PALLD: variants seen among roughly 807,000 people sequenced by gnomAD.
The protein encoded by PALLD is palladin, cytoskeletal associated protein.
PALLD carries 61 observed loss-of-function variants against 123.5 expected under a neutral mutation model. The observed-to-expected ratio is 0.49, with a 90% CI of 0.40 to 0.61. The LOEUF (loss-of-function observed/expected upper bound fraction) is 0.61, where lower values mean the gene tolerates loss of function less well. Ranked by LOEUF, PALLD falls within the 20% of genes least tolerant of loss-of-function variation. The pLI, the probability that PALLD is intolerant of heterozygous loss-of-function variation, is 0.00. For missense variants in PALLD, 1,273 were observed against 1,377.0 expected (o/e 0.92, Z 1.20); for synonymous variants, 465 against 496.4 (o/e 0.94, Z 0.84).
At chr4:168,578,927 T>C (rs974969430) in intron 2 of PALLD, among the ~76,000 whole-genome samples, 1 of 152,156 alleles carries the variant, frequency 6.6e-6, no homozygotes, top group Admixed American at 6.6e-5. Flanking sequence ...GTAAACACTA[T>C]TCTGTAAAAT....
chr4:168,912,185 C>T lies in PALLD; in HGVS notation c.2623-1742C>T, dbSNP rs747200477. On this transcript the variant is annotated intron_variant, in intron 15 of 21. Coordinates refer to ENST00000505667, the MANE Select transcript of PALLD (RefSeq NM_001166108.2). ...GCAGTTCTTCAAAACACACAGAACA[C>T]TGCAGCTTCTGTTACCTGTCTCTAT... 6.2e-4 allele frequency among the ~76,000 whole-genome samples: 94 copies of T among 152,216 alleles called. 1 individual carries two copies. Among genetic ancestry groups the T allele is most frequent in the Non-Finnish European group, 2.2e-4 (15 of 68,048 alleles).
chr4:168,728,897 T>C (rs1786868287), intron 10 of PALLD, among the ~76,000 whole-genome samples: 1 of 152,136 alleles, frequency 6.6e-6, no homozygotes, highest in Admixed American at 6.5e-5. Context: ...CACTGTATCA[T>C]TCTTATGCCT....
Position 168,878,130 on chromosome 4 carries a change from C to T in PALLD, c.1965-12792C>T. On this transcript the variant is annotated intron_variant, in intron 10 of 21. Transcript: ENST00000505667. ...CCCTTCGGCGCTGAGCCCGAGGCCC[C>T]GTGGGGCTCCTCCTCGCCGTCGCCC... 2 of 1,483,202 alleles carry T rather than the reference C, an allele frequency of 1.3e-6. No homozygotes were observed. The highest frequency in any genetic ancestry group is 1.8e-6 in the Non-Finnish European group (2 of 1,124,124). 91.9% of individuals were successfully genotyped at this position (1,483,202 alleles called of 1,614,324 possible).
chr4:168,780,611 G>A (rs562011733), intron 10 of PALLD, among the ~76,000 whole-genome samples: 23 of 152,346 alleles, frequency 1.5e-4, no homozygotes, highest in African/African-American at 5.3e-4. Flanking sequence ...GGCCATGGCA[G>A]ACACTGTTGC....
At chr4:168,887,177 C>CT (rs1406335590) in intron 10 of PALLD, among the ~76,000 whole-genome samples, 17 of 149,092 alleles carry the variant, frequency 1.1e-4, no homozygotes, top group Non-Finnish European at 2.2e-4. Flanking sequence ...GAGCCAAAGA[C>CT]TAATTGTAAT....
intron 10 of PALLD, among the ~76,000 whole-genome samples, chr4:168,888,177 C>G (rs1051746688): frequency 6.6e-6 from 1 of 152,138 alleles, no homozygotes; most frequent in Non-Finnish European, 1.5e-5. Context: ...TAAATAATTC[C>G]TATGGTTCTT....
intron 10 of PALLD, among the ~76,000 whole-genome samples, chr4:168,719,400 G>A (rs1410595592): frequency 6.6e-6 from 1 of 151,186 alleles, no homozygotes. Flanking sequence ...TGGAATTACA[G>A]GCACCCGCCA....
intron 10 of PALLD, among the ~76,000 whole-genome samples, chr4:168,785,754 C>T (rs1394051829): frequency 6.7e-6 from 1 of 149,864 alleles, no homozygotes; most frequent in Non-Finnish European, 1.5e-5. Context: ...AAAGTCCAGT[C>T]ATCTCAAAGG....
At chr4:168,856,509 G>A (rs1186521551) in intron 10 of PALLD, among the ~76,000 whole-genome samples, 4 of 152,198 alleles carry the variant, frequency 2.6e-5, no homozygotes, top group Admixed American at 1.3e-4. Context: ...GCCAGCAGCT[G>A]TTGTTTTGAC....
chr4:168,651,799 C>CCATGAATATCTG (rs1166615984), intron 2 of PALLD, among the ~76,000 whole-genome samples: 1 of 152,082 alleles, frequency 6.6e-6, no homozygotes, highest in Admixed American at 6.5e-5. Flanking sequence ...GAGGTTATAA[C>CCATGAATATCTG]CATGAATATC....
At chr4:168,559,824 G>T (rs1319491496) in intron 2 of PALLD, among the ~76,000 whole-genome samples, 1 of 151,930 alleles carries the variant, frequency 6.6e-6, no homozygotes, top group African/African-American at 2.4e-5. Context: ...AGTTGAGCTT[G>T]CAGTGAGCTG....
At chr4:168,802,768 G>A (rs150104326) in intron 10 of PALLD, among the ~76,000 whole-genome samples, 11 of 151,748 alleles carry the variant, frequency 7.2e-5, no homozygotes, top group African/African-American at 1.5e-4. Context: ...TCGGCTCACC[G>A]CAATCTCTGC....
rs1380000682 is a variant in PALLD, at chr4:168,926,293, CA to C, written c.*114del. 5 of 1,537,018 alleles carry C rather than the reference CA, an allele frequency of 3.3e-6. No homozygotes were observed. In the African/African-American group the frequency reaches 6.8e-5, roughly 21 times the overall value. ...CAGTCGCTATGCAGCACTTTCGGAC[CA>C]GGGACTAGACATCAAAGCAGCGTTC... On this transcript the variant is annotated 3_prime_UTR_variant, in exon 22 of 22. Coordinates refer to ENST00000505667, the MANE Select transcript of PALLD (RefSeq NM_001166108.2).
rs975515121 is a variant in PALLD at position 168,582,740 on chromosome 4, A to T, written c.908+70328A>T. Among the ~76,000 whole-genome samples, 5 of 152,102 alleles carry T rather than the reference A, an allele frequency of 3.3e-5. 1 individual carries two copies. The South Asian group carries it at 8.3e-4, about 25-fold the overall frequency. On this transcript the variant is annotated intron_variant, in intron 2 of 21. Coordinates refer to ENST00000505667, the MANE Select transcript of PALLD (RefSeq NM_001166108.2). ...GTATGTCACATTTATTGATTTGCAT[A>T]TGTTGAATTATTCTTGCATCACAGG...
At chr4:168,924,127 C>T (rs1762123996) in intron 18 of PALLD, 128 bp from the exon 19 acceptor site, 1 of 778,942 alleles carries the variant, frequency 1.3e-6, no homozygotes, top group Non-Finnish European at 2.2e-6. Flanking sequence ...GGACTAGCAT[C>T]TTACCACCTG....
At chr4:168,896,494 T>C in intron 12 of PALLD, 55 bp from the exon 13 acceptor site, 1 of 1,018,530 alleles carries the variant, frequency 9.8e-7, no homozygotes, top group Non-Finnish European at 1.5e-6. Flanking sequence ...GAAATCTTGC[T>C]GCATTCTTAT....
intron 2 of PALLD, among the ~76,000 whole-genome samples, chr4:168,579,839 A>G (rs1375066766): frequency 6.6e-6 from 1 of 152,112 alleles, no homozygotes; most frequent in Non-Finnish European, 1.5e-5. Context: ...GATTACTGCA[A>G]TCAAGCTAAT....
At chr4:168,859,951 T>G (rs1214139575) in intron 10 of PALLD, among the ~76,000 whole-genome samples, 1 of 152,248 alleles carries the variant, frequency 6.6e-6, no homozygotes, top group Non-Finnish European at 1.5e-5. Context: ...TTCCAATATC[T>G]TTTTAAACTA....
chr4:168,915,925 C>T lies in PALLD; in HGVS notation c.2748C>T (p.Asp916=), dbSNP rs143544548. Residue 916 remains aspartate (D), a synonymous_variant, in exon 17 of 22, where the codon GAC becomes GAT. Transcript: ENST00000505667. ...GTTCTAGATCAAGGGACAGTGGAGACGAAAATGAACCAATTCAGGAGCGAT... is the reference window on the plus strand; with the variant it reads ...GTTCTAGATCAAGGGACAGTGGAGATGAAAATGAACCAATTCAGGAGCGAT... ...RPRSRSRDSG[D]ENEPIQERFF... 185 of 1,612,970 alleles carry T rather than the reference C, an allele frequency of 1.1e-4. 1 individual carries two copies. In the African/African-American group the frequency reaches 1.7e-3, roughly 15 times the overall value.
Sources: gnomAD v4.1 joint callset for allele counts (sites outside exome capture counted in the v4.1 genomes callset) on GRCh38, gnomAD v4.1.1 for gene constraint, MANE v1.5 for transcripts, NCBI Gene and HGNC (gene_info 2026-07-23, HGNC 2026-07-21) for gene names.